SERPING1: variants seen among roughly 807,000 people sequenced by gnomAD.
The protein encoded by SERPING1 is plasma protease C1 inhibitor.
A neutral mutation model predicts 34.1 loss-of-function variants in SERPING1; 5 were observed. The ratio of observed to expected loss-of-function variants is 0.15; its 90% CI spans 0.08 to 0.31. The LOEUF (loss-of-function observed/expected upper bound fraction) is 0.31. SERPING1 is among the 10% of genes least tolerant of loss of function. The probability of loss-of-function intolerance (pLI) is 1.00; values close to 1 mark genes in which losing one functional copy is unlikely to be tolerated. For synonymous variants in SERPING1, 225 were observed against 242.4 expected, an observed-to-expected ratio of 0.93 and a Z score of 0.67; for missense variants, 505 against 609.5, an observed-to-expected ratio of 0.83 and a Z score of 1.81.
chr11:57,606,921 G>A (rs1945416402), intron 6 of SERPING1: 2 of 466,262 alleles, frequency 4.3e-6, no homozygotes, highest in East Asian at 1.1e-4. Flanking sequence ...ATATACATGT[G>A]TAGACGTGTA....
chr11:57,598,186 G>A, intron 1 of SERPING1, 63 bp from the exon 2 acceptor site: 1 of 1,315,690 alleles, frequency 7.6e-7, no homozygotes, highest in Non-Finnish European at 1.1e-6. Context: ...CGGGCCCCGG[G>A]CGGGGTGGGG....
intron 3 of SERPING1, among the ~76,000 whole-genome samples, chr11:57,600,950 CAA>C (rs35871015): frequency 7.3e-4 from 103 of 140,964 alleles, no homozygotes; most frequent in Middle Eastern, 3.6e-3. Context: ...GACTCTGTCT[CAA>C]AAAAAAAAAA....
chr11:57,602,783 C>CG (rs574854879), intron 4 of SERPING1, among the ~76,000 whole-genome samples: 2 of 142,336 alleles, frequency 1.4e-5, no homozygotes, highest in Non-Finnish European at 3.0e-5. Flanking sequence ...AAAACAAAAA[C>CG]AAAAAAAAAA....
At chr11:57,602,927 T>TAA (rs34858800) in intron 4 of SERPING1, among the ~76,000 whole-genome samples, 22 of 139,064 alleles carry the variant, frequency 1.6e-4, no homozygotes, top group South Asian at 9.3e-4. Context: ...CTGTCTCCAT[T>TAA]AAAAAAAAAA....
chr11:57,612,309 A>C (rs1945485998), intron 7 of SERPING1, among the ~76,000 whole-genome samples: 2 of 152,086 alleles, frequency 1.3e-5, no homozygotes, highest in African/African-American at 2.4e-5. Context: ...ACATTTCAAA[A>C]CAGTCAGCCA....
rs1014893726 is a variant in SERPING1, at chr11:57,598,231, G to T, written c.-22-18G>T. The T allele has an allele frequency of 1.3e-6, 2 of 1,538,608 alleles. No individual in the cohort carries two copies. The highest frequency in any genetic ancestry group is 4.9e-5 in the East Asian group (2 of 40,630). ...CTCCCAGGGTGGGAGCTGGCTCCGA[G>T]GCTGGCTGGCTCCGCAGGTCCGCTG... On this transcript the variant is annotated intron_variant, in intron 1 of 7. Coordinates refer to ENST00000278407, the MANE Select transcript of SERPING1 (RefSeq NM_000062.3).
Position 57,606,060 on chromosome 11 carries a change from A to G in SERPING1, c.736A>G (p.Ser246Gly). 6.2e-7 allele frequency: 1 copy of G among 1,614,164 alleles called. No homozygotes were observed. The highest frequency in any genetic ancestry group is 8.5e-7 in the Non-Finnish European group (1 of 1,180,028). Residue 246 changes from serine to glycine, a missense_variant, in exon 5 of 8, where the codon AGC (serine) becomes GGC (glycine). Transcript: ENST00000278407. ...FVNASRTLYSSSPRVLSNNSD... is the reference protein window; with the variant it reads ...FVNASRTLYSGSPRVLSNNSD... ...GAATGCCTCTCGGACCCTGTACAGC[A>G]GCAGCCCCAGAGTCCTAAGCAACAA...
At position 57,614,686 on chromosome 11, in the gene SERPING1, C is replaced by T; in HGVS notation, c.*105C>T. 7.4e-7 allele frequency: 1 copy of T among 1,360,088 alleles called. No individual in the cohort carries two copies. The allele number at this position is 1,360,088 out of a possible 1,614,324, so 84.3% of individuals were successfully genotyped here. On this transcript the variant is annotated 3_prime_UTR_variant, in exon 8 of 8. Coordinates refer to ENST00000278407, the MANE Select transcript of SERPING1 (RefSeq NM_000062.3). ...ACTTGGCCCCTGCCACCTCCTGCCT[C>T]AGGTGTCCGCTATCCACCAAAAGGG...
chr11:57,601,196 C>T (rs915083080), intron 3 of SERPING1, among the ~76,000 whole-genome samples: 3 of 151,892 alleles, frequency 2.0e-5, no homozygotes, highest in Admixed American at 6.6e-5. Context: ...GTCAGGAGTT[C>T]GAGACCAGCC....
chr11:57,612,888 G>A (rs1041369331), intron 7 of SERPING1, among the ~76,000 whole-genome samples: 6 of 152,062 alleles, frequency 3.9e-5, no homozygotes, highest in Non-Finnish European at 8.8e-5. Flanking sequence ...GGGATTACAG[G>A]CACCTACCAC....
At chr11:57,610,309 G>A (rs1945463824) in intron 6 of SERPING1, among the ~76,000 whole-genome samples, 1 of 152,158 alleles carries the variant, frequency 6.6e-6, no homozygotes, top group Non-Finnish European at 1.5e-5. Flanking sequence ...GAGATTTACC[G>A]GCTCAGGTAC....
At chr11:57,608,549 G>A (rs1945438473) in intron 6 of SERPING1, among the ~76,000 whole-genome samples, 2 of 152,210 alleles carry the variant, frequency 1.3e-5, no homozygotes, top group African/African-American at 4.8e-5. Context: ...GTCTCATTCT[G>A]TTGCCCAGGC....
At chr11:57,601,577 A>G (rs1056361421) in intron 3 of SERPING1, among the ~76,000 whole-genome samples, 1 of 152,070 alleles carries the variant, frequency 6.6e-6, no homozygotes, top group Admixed American at 6.6e-5. Context: ...AGAGAATTCT[A>G]AAAAGGCTAC....
chr11:57,601,401 C>CAA (rs34815456), intron 3 of SERPING1, among the ~76,000 whole-genome samples: 87,445 of 142,950 alleles, frequency 0.61, 26,522 homozygotes, highest in East Asian at 0.86. Context: ...GACTCTGTCT[C>CAA]AAAAAAAAAA....
At chr11:57,613,317 C>T (rs948881906) in intron 7 of SERPING1, among the ~76,000 whole-genome samples, 2 of 152,134 alleles carry the variant, frequency 1.3e-5, no homozygotes, top group Admixed American at 1.3e-4. Flanking sequence ...AGATCCCGTG[C>T]AGTTTAAGTG....
intron 4 of SERPING1, chr11:57,605,597 T>C (rs1450061602): frequency 5.1e-6 from 1 of 196,110 alleles, no homozygotes; most frequent in Non-Finnish European, 1.1e-5. Flanking sequence ...TTTTTTTTTT[T>C]TTCAGTGGAC....
In SERPING1 at chr11:57,614,616, C is replaced by T. The variant is rs774916635; in HGVS notation, c.*35C>T. 1.4e-5 allele frequency: 22 copies of T among 1,605,496 alleles called. No homozygotes were observed. Among genetic ancestry groups the T allele is most frequent in the Middle Eastern group, 1.8e-4 (1 of 5,414 alleles). On this transcript the variant is annotated 3_prime_UTR_variant, in exon 8 of 8. Coordinates refer to ENST00000278407, the MANE Select transcript of SERPING1 (RefSeq NM_000062.3). ...GATCAGGTTAGGGCGAGCGCTACCTCTCCAGCCTCAGCTCTCAGTTGCAGC... is the reference window on the plus strand; with the variant it reads ...GATCAGGTTAGGGCGAGCGCTACCTTTCCAGCCTCAGCTCTCAGTTGCAGC...
At chr11:57,613,348 C>A (rs577113850) in intron 7 of SERPING1, among the ~76,000 whole-genome samples, 1 of 152,274 alleles carries the variant, frequency 6.6e-6, no homozygotes, top group Admixed American at 6.5e-5. Context: ...GCAAATTTCC[C>A]CCCGTTTCCA....
In SERPING1 at chr11:57,614,557, G is replaced by A; in HGVS notation, c.1479G>A (p.Gly493=). ...AGCACAAGTTCCCTGTCTTCATGGG[G>A]CGAGTATATGACCCCAGGGCCTGAG... The part of the protein sequence containing the change: ...DQQHKFPVFM[G]RVYDPRA The change falls in exon 8 of 8, where the codon GGG becomes GGA. Residue 493 remains glycine, a synonymous_variant. Transcript: ENST00000278407. The A allele has an allele frequency of 6.2e-7, 1 of 1,614,024 alleles. No homozygotes were observed. Among genetic ancestry groups the A allele is most frequent in the Non-Finnish European group, 8.5e-7 (1 of 1,180,020 alleles).
Sources: allele counts gnomAD v4.1 joint callset (sites outside exome capture counted in the v4.1 genomes callset), GRCh38; gene constraint gnomAD v4.1.1; transcripts MANE v1.5; gene names NCBI Gene and HGNC (gene_info 2026-07-23, HGNC 2026-07-21).